The following AUTS2 variants were observed in gnomAD, a reference collection of about 807,000 sequenced individuals.
AUTS2 encodes the protein activator of transcription and developmental regulator AUTS2, also known as autism susceptibility gene 2 protein.
Under a neutral mutation model 112.4 loss-of-function variants are expected in AUTS2, and 17 were observed. The observed-to-expected ratio is 0.15, with a 90% CI of 0.10 to 0.23. The LOEUF is 0.23. Ranked by LOEUF, AUTS2 falls within the 10% of genes least tolerant of loss-of-function variation. The pLI is 1.00. For missense variants in AUTS2, 1,510 were observed against 1,701.6 expected, an observed-to-expected ratio of 0.89 and a Z score of 1.98; for synonymous variants, 751 against 702.7, an observed-to-expected ratio of 1.07 and a Z score of -1.09.
intron 2 of AUTS2, among the ~76,000 whole-genome samples, chr7:69,902,749 C>G (rs1795015990): frequency 6.6e-6 from 1 of 152,106 alleles, no homozygotes; most frequent in African/African-American, 2.4e-5. Context: ...ACTGCTTATT[C>G]TTTCACTTGC....
intron 1 of AUTS2, among the ~76,000 whole-genome samples, chr7:69,813,547 T>C (rs1199158978): frequency 2.0e-5 from 3 of 152,186 alleles, no homozygotes; most frequent in African/African-American, 7.2e-5. Context: ...TAAATGAGAT[T>C]ATGTCTATCT....
At chr7:70,219,206 C>G (rs1303192124) in intron 4 of AUTS2, among the ~76,000 whole-genome samples, 1 of 152,194 alleles carries the variant, frequency 6.6e-6, no homozygotes, top group Admixed American at 6.5e-5. Flanking sequence ...TGGAAAACAT[C>G]TCTCTCATTG....
At chr7:70,626,517 T>C (rs1386982090) in intron 5 of AUTS2, among the ~76,000 whole-genome samples, 1 of 151,934 alleles carries the variant, frequency 6.6e-6, no homozygotes, top group African/African-American at 2.4e-5. Context: ...TTTTAAAAAA[T>C]TTCCACTTTT....
At chr7:70,651,746 T>G (rs1806519425) in intron 5 of AUTS2, among the ~76,000 whole-genome samples, 1 of 152,150 alleles carries the variant, frequency 6.6e-6, no homozygotes, top group Non-Finnish European at 1.5e-5. Context: ...ACCATCTGTA[T>G]GTTGATTTAG....
chr7:70,665,400 A>G (rs1350064084), intron 5 of AUTS2, among the ~76,000 whole-genome samples: 1 of 152,010 alleles, frequency 6.6e-6, no homozygotes, highest in Non-Finnish European at 1.5e-5. Flanking sequence ...AGTAGCCGAG[A>G]CTACAGGCAC....
intron 4 of AUTS2, among the ~76,000 whole-genome samples, chr7:70,168,754 A>G (rs1808515862): frequency 6.6e-6 from 1 of 152,226 alleles, no homozygotes; most frequent in Non-Finnish European, 1.5e-5. Flanking sequence ...AGAAATTAAT[A>G]TTAGTTTTAA....
At position 69,798,978 on chromosome 7, in the gene AUTS2, G is replaced by A. The variant is rs144799997; in HGVS notation, c.310-100308G>A. 1.3e-3 allele frequency among the ~76,000 whole-genome samples: 199 copies of A among 150,248 alleles called. 2 individuals carry two copies. Among genetic ancestry groups the A allele is most frequent in the African/African-American group, 4.7e-3 (191 of 40,790 alleles). On this transcript the variant is annotated intron_variant, in intron 1 of 18. Coordinates refer to ENST00000342771, the MANE Select transcript of AUTS2 (RefSeq NM_015570.4). ...TGCATTCCAGCCTGGGCAACAGAGC[G>A]AAACCTAGTCTAAAAAAAAAAAAGT... is the stretch of plus-strand genomic sequence containing the variant.
At chr7:69,939,069 A>C (rs1796525156) in intron 2 of AUTS2, among the ~76,000 whole-genome samples, 1 of 152,226 alleles carries the variant, frequency 6.6e-6, no homozygotes, top group African/African-American at 2.4e-5. Context: ...ATATTTGCAC[A>C]GCAAGTGAAA....
chr7:69,605,474 C>T (rs1056652248), intron 1 of AUTS2, among the ~76,000 whole-genome samples: 8 of 152,186 alleles, frequency 5.3e-5, no homozygotes, highest in Non-Finnish European at 1.0e-4. Flanking sequence ...ATGATACTAG[C>T]CCAATTCTGA....
At chr7:70,654,317 G>A (rs1462058524) in intron 5 of AUTS2, among the ~76,000 whole-genome samples, 1 of 152,172 alleles carries the variant, frequency 6.6e-6, no homozygotes, top group African/African-American at 2.4e-5. Context: ...TACAGTCTCT[G>A]TAGCAACTAC....
chr7:70,149,411 C>G (rs1235316283), intron 4 of AUTS2, among the ~76,000 whole-genome samples: 2 of 152,008 alleles, frequency 1.3e-5, no homozygotes, highest in East Asian at 1.9e-4. Context: ...ACTGTTGCTT[C>G]TAGATATGAT....
intron 1 of AUTS2, among the ~76,000 whole-genome samples, chr7:69,698,495 A>T (rs141114460): frequency 6.6e-6 from 1 of 152,152 alleles, no homozygotes; most frequent in Admixed American, 6.5e-5. Flanking sequence ...CTACCATTTA[A>T]TGTTATTATC....
rs572087297 is a variant in AUTS2, at chr7:69,779,474, T to C, written c.310-119812T>C. On this transcript the variant is annotated intron_variant, in intron 1 of 18. Transcript: ENST00000342771. ...AAAGGAGTATAACTTAAAAAATATATAGATAGAAGCCAGGCGCAGTGGCTC... is the reference window on the plus strand; with the variant it reads ...AAAGGAGTATAACTTAAAAAATATACAGATAGAAGCCAGGCGCAGTGGCTC... Among the ~76,000 whole-genome samples the C allele has an allele frequency of 4.9e-4, 74 of 151,956 alleles. 1 individual carries two copies. The highest frequency in any genetic ancestry group is 5.9e-5 in the Non-Finnish European group (4 of 67,940).
chr7:70,486,116 C>A (rs1190523039), intron 5 of AUTS2, among the ~76,000 whole-genome samples: 1 of 152,114 alleles, frequency 6.6e-6, no homozygotes, highest in Non-Finnish European at 1.5e-5. Flanking sequence ...TCTATTAAAT[C>A]AGAAGTCTGC....
intron 5 of AUTS2, among the ~76,000 whole-genome samples, chr7:70,570,695 T>C (rs1331649290): frequency 6.6e-6 from 1 of 152,184 alleles, no homozygotes; most frequent in Non-Finnish European, 1.5e-5. Context: ...CCATTCTTTT[T>C]CCAGGTTATA....
intron 1 of AUTS2, among the ~76,000 whole-genome samples, chr7:69,850,568 T>A (rs1299910933): frequency 1.3e-5 from 2 of 152,134 alleles, no homozygotes; most frequent in South Asian, 4.2e-4. Context: ...TGTAATGATA[T>A]CTCATTGTGA....
At chr7:70,624,729 T>A (rs544046503) in intron 5 of AUTS2, among the ~76,000 whole-genome samples, 1 of 152,278 alleles carries the variant, frequency 6.6e-6, no homozygotes, top group South Asian at 2.1e-4. Flanking sequence ...GGGAAGGCAT[T>A]ACAGAATAAA....
intron 5 of AUTS2, among the ~76,000 whole-genome samples, chr7:70,678,749 T>C (rs1040014745): frequency 6.6e-6 from 1 of 152,194 alleles, no homozygotes. Context: ...CTTTTTCCCT[T>C]AGTCTAAATT....
chr7:69,690,163 T>C (rs541044479), intron 1 of AUTS2, among the ~76,000 whole-genome samples: 1 of 152,370 alleles, frequency 6.6e-6, no homozygotes, highest in African/African-American at 2.4e-5. Context: ...ACATAGTAGG[T>C]ACTCAGTAAA....
Sources: allele counts gnomAD v4.1 joint callset (sites outside exome capture counted in the v4.1 genomes callset), GRCh38; gene constraint gnomAD v4.1.1; transcripts MANE v1.5; gene names NCBI Gene and HGNC (gene_info 2026-07-23, HGNC 2026-07-21).